Variants in TMEM232 observed in about 807,000 individuals in gnomAD.
TMEM232 encodes the protein transmembrane protein 232.
In TMEM232, 80 loss-of-function variants were observed where a neutral mutation model predicts 78.8. The ratio of observed to expected loss-of-function variants is 1.01; its 90% CI spans 0.85 to 1.22. The LOEUF is 1.22. TMEM232 is among the 50% of genes most tolerant of loss of function. The pLI is 0.00. For missense variants in TMEM232, 881 were observed against 742.2 expected (o/e 1.19, Z -2.17); for synonymous variants, 297 against 254.3 (o/e 1.17, Z -1.60).
chr5:110,566,521 C>T (rs939446669), intron 11 of TMEM232, among the ~76,000 whole-genome samples: 3 of 151,884 alleles, frequency 2.0e-5, no homozygotes, highest in African/African-American at 7.2e-5. Flanking sequence ...GTTCAAAGTT[C>T]CACAGATCTC....
chr5:110,482,713 A>G (rs1191384443), intron 12 of TMEM232, among the ~76,000 whole-genome samples: 3 of 151,746 alleles, frequency 2.0e-5, no homozygotes, highest in South Asian at 2.1e-4. Context: ...CGTAAACATG[A>G]ATGAGTAAAA....
intron 5 of TMEM232, among the ~76,000 whole-genome samples, chr5:110,630,286 G>A (rs921522684): frequency 6.6e-6 from 1 of 152,164 alleles, no homozygotes; most frequent in Non-Finnish European, 1.5e-5. Context: ...ATTCTCTCCA[G>A]AAAGAAGAAT....
At chr5:110,582,521 G>A (rs1338107692) in intron 10 of TMEM232, among the ~76,000 whole-genome samples, 1 of 151,878 alleles carries the variant, frequency 6.6e-6, no homozygotes, top group Non-Finnish European at 1.5e-5. Context: ...TGGAAACGAG[G>A]GGAAGAGGCA....
At chr5:110,598,368 C>A (rs566001968) in intron 10 of TMEM232, among the ~76,000 whole-genome samples, 1 of 152,262 alleles carries the variant, frequency 6.6e-6, no homozygotes, top group South Asian at 2.1e-4. Context: ...ACAACAGGTG[C>A]TGGAGAGGCT....
chr5:110,628,220 TAAAAG>T (rs1784659134), intron 5 of TMEM232, among the ~76,000 whole-genome samples: 1 of 151,632 alleles, frequency 6.6e-6, no homozygotes. Context: ...TTAAATAAAA[TAAAAG>T]AGAAGAAAAA....
chr5:110,439,822 G>T (rs555960676), intron 12 of TMEM232, among the ~76,000 whole-genome samples: 1 of 152,166 alleles, frequency 6.6e-6, no homozygotes, highest in East Asian at 1.9e-4. Flanking sequence ...GAATTTTATA[G>T]TCCTGGGCCA....
At chr5:110,467,738 C>T (rs1458488588) in intron 12 of TMEM232, among the ~76,000 whole-genome samples, 1 of 152,056 alleles carries the variant, frequency 6.6e-6, no homozygotes, top group Admixed American at 6.5e-5. Context: ...TGGGTAGATT[C>T]AAAAATAAAT....
chr5:110,633,756 C>G (rs1305883377), intron 5 of TMEM232, among the ~76,000 whole-genome samples: 1 of 152,122 alleles, frequency 6.6e-6, no homozygotes, highest in African/African-American at 2.4e-5. Context: ...ATAAATTTCC[C>G]AGTCTCAGGT....
intron 12 of TMEM232, among the ~76,000 whole-genome samples, chr5:110,437,884 A>T (rs1331621857): frequency 2.6e-5 from 4 of 152,126 alleles, no homozygotes; most frequent in African/African-American, 9.7e-5. Flanking sequence ...GATAGGGCCA[A>T]TATTAATTGC....
At chr5:110,644,687 A>C (rs1258376173) in intron 2 of TMEM232, among the ~76,000 whole-genome samples, 1 of 151,790 alleles carries the variant, frequency 6.6e-6, no homozygotes, top group Non-Finnish European at 1.5e-5. Context: ...AAAACAGCTT[A>C]ACTTTATACC....
intron 2 of TMEM232, among the ~76,000 whole-genome samples, chr5:110,665,991 C>T (rs1235946074): frequency 2.0e-5 from 3 of 151,718 alleles, no homozygotes. Flanking sequence ...ATCATTTGAG[C>T]CCAGGATTAT....
At chr5:110,728,384 CTG>C (rs1355671953), upstream of TMEM232, among the ~76,000 whole-genome samples, 2 of 151,800 alleles carry the variant, frequency 1.3e-5, no homozygotes, top group African/African-American at 4.8e-5. Flanking sequence ...TGGGGAAAAA[CTG>C]TACAGAGGCT....
At chr5:110,576,549 T>A (rs772758852) in intron 10 of TMEM232, among the ~76,000 whole-genome samples, 18 of 151,924 alleles carry the variant, frequency 1.2e-4, no homozygotes, top group East Asian at 1.9e-4. Context: ...CTATATGGAA[T>A]AACAACAAAA....
chr5:110,622,596 G>T (rs1348414856), intron 7 of TMEM232, among the ~76,000 whole-genome samples: 1 of 151,970 alleles, frequency 6.6e-6, no homozygotes, highest in African/African-American at 2.4e-5. Context: ...TATCATTGTT[G>T]GACATTTGGG....
intron 12 of TMEM232, among the ~76,000 whole-genome samples, chr5:110,430,822 T>A (rs1757753819): frequency 6.6e-6 from 1 of 151,784 alleles, no homozygotes; most frequent in Non-Finnish European, 1.5e-5. Context: ...ACAAATGCTA[T>A]GAGAGCCAAA....
In TMEM232 at chr5:110,675,810, G is replaced by A. The variant is rs376214116; in HGVS notation, c.-12-8446C>T. Among the ~76,000 whole-genome samples, 127 of 152,122 alleles carry A rather than the reference G, an allele frequency of 8.3e-4. 1 individual carries two copies. The Middle Eastern group carries it at 0.017, about 20-fold the overall frequency. On this transcript the variant is annotated intron_variant, in intron 1 of 13. Transcript: ENST00000455884. ...TAGTGAGAAAATTTAAGGTCAACCCGCTGAGCCACTTTCAAGTATGTATTA... is the reference window on the plus strand; with the variant it reads ...TAGTGAGAAAATTTAAGGTCAACCCACTGAGCCACTTTCAAGTATGTATTA...
intron 10 of TMEM232, among the ~76,000 whole-genome samples, chr5:110,574,050 C>CA (rs1362450178): frequency 6.6e-6 from 1 of 151,516 alleles, no homozygotes; most frequent in Non-Finnish European, 1.5e-5. Context: ...TTCACTAATT[C>CA]AAAATCATAA....
intron 8 of TMEM232, among the ~76,000 whole-genome samples, chr5:110,607,264 T>C (rs988166702): frequency 5.3e-5 from 8 of 151,990 alleles, no homozygotes; most frequent in Non-Finnish European, 1.2e-4. Flanking sequence ...AACTGAGACA[T>C]AAATAGGTCA....
intron 11 of TMEM232, among the ~76,000 whole-genome samples, chr5:110,533,190 G>T: frequency 6.6e-6 from 1 of 152,106 alleles, no homozygotes; most frequent in Non-Finnish European, 1.5e-5. Context: ...AGATTACCTA[G>T]GCTGTACTGC....
Sources: allele counts gnomAD v4.1 joint callset (sites outside exome capture counted in the v4.1 genomes callset), GRCh38; gene constraint gnomAD v4.1.1; transcripts MANE v1.5; gene names NCBI Gene and HGNC (gene_info 2026-07-23, HGNC 2026-07-21).